The following NAPG variants were observed in gnomAD, a reference collection of about 807,000 sequenced individuals.
NAPG encodes the protein gamma-soluble NSF attachment protein.
Under a neutral mutation model 48.4 loss-of-function variants are expected in NAPG, and 25 were observed. The ratio of observed to expected loss-of-function variants is 0.52; its 90% confidence interval spans 0.38 to 0.72. The LOEUF is 0.72. Among genes scored for constraint, NAPG ranks in the 30% least tolerant of loss-of-function variants. NAPG has a pLI of 0.00. For synonymous variants in NAPG, 139 were observed against 127.2 expected, an observed-to-expected ratio of 1.09 and a Z score of -0.62; for missense variants, 359 against 372.5, an observed-to-expected ratio of 0.96 and a Z score of 0.30.
intron 1 of NAPG, 91 bp from the exon 2 acceptor site, chr18:10,530,679 T>G: frequency 1.3e-6 from 1 of 750,616 alleles, no homozygotes; most frequent in East Asian, 3.3e-5. Context: ...TTTTTTTTTT[T>G]TTTTTAAAGA....
At chr18:10,528,758 G>A (rs909987002) in intron 1 of NAPG, among the ~76,000 whole-genome samples, 9 of 152,070 alleles carry the variant, frequency 5.9e-5, no homozygotes, top group African/African-American at 2.2e-4. Flanking sequence ...TGGTGGGTAG[G>A]TCTGGGGCAG....
chr18:10,532,843 G>A (rs1222856600), intron 3 of NAPG, 48 bp downstream of exon 3: 2 of 1,448,754 alleles, frequency 1.4e-6, no homozygotes. Flanking sequence ...AGATGATTTT[G>A]ACAAGCTGTT....
In NAPG at chr18:10,549,057, T is replaced by C; in HGVS notation, c.756T>C (p.Asp252=). 6 of 1,613,960 alleles carry C rather than the reference T, an allele frequency of 3.7e-6. No individual in the cohort carries two copies. The highest frequency in any genetic ancestry group is 5.1e-6 in the Non-Finnish European group (6 of 1,179,824). ...YDQQDQDQVS[D]VCNSPLFKYM... ...AGCAAGACCAAGATCAGGTGTCAGA[T>C]GTCTGCAACTCACCGCTTTTCAAGT... Residue 252 remains aspartate, a synonymous_variant, in exon 11 of 12, where the codon GAT becomes GAC. Transcript: ENST00000322897.
intron 8 of NAPG, among the ~76,000 whole-genome samples, chr18:10,541,978 T>C (rs1210522000): frequency 6.6e-6 from 1 of 152,238 alleles, no homozygotes; most frequent in African/African-American, 2.4e-5. Context: ...CCTGTGCATA[T>C]TCCTTTAGAA....
intron 1 of NAPG, 43 bp downstream of exon 1, chr18:10,526,201 C>T (rs2031803858): frequency 6.6e-7 from 1 of 1,526,346 alleles, no homozygotes; most frequent in Non-Finnish European, 9.1e-7. Context: ...GACGCCGGGT[C>T]CGTCTCTCAC....
In NAPG at chr18:10,543,046, TG is replaced by T. The variant is rs1349831778; in HGVS notation, c.506+2648del. Among the ~76,000 whole-genome samples the T allele has an allele frequency of 6.7e-6, 1 of 149,956 alleles. No individual in the cohort carries two copies. The highest frequency in any genetic ancestry group is 2.0e-4 in the East Asian group (1 of 5,102). ...TAAAAATACAAAAAGTAGCCGGGTG[TG>T]ATGACGCACACCTATAATCCCAGCT... On this transcript the variant is annotated intron_variant, in intron 8 of 11. Transcript: ENST00000322897. The surrounding 1 kb of genome is among the most constrained non-coding windows in gnomAD (Gnocchi z 4.4).
At chr18:10,545,794 G>C (rs369873291) in intron 8 of NAPG, among the ~76,000 whole-genome samples, 3 of 152,250 alleles carry the variant, frequency 2.0e-5, no homozygotes, top group Admixed American at 2.0e-4. Context: ...GAATGTTGAA[G>C]ACTGAAGATG....
chr18:10,531,348 TTATA>T (rs1216668066), intron 2 of NAPG, among the ~76,000 whole-genome samples: 1 of 152,202 alleles, frequency 6.6e-6, no homozygotes, highest in Non-Finnish European at 1.5e-5. Context: ...CAATTTATCT[TTATA>T]TAAGATATAA....
At chr18:10,530,946 T>A in intron 2 of NAPG, 109 bp downstream of exon 2, 2 of 872,916 alleles carry the variant, frequency 2.3e-6, no homozygotes, top group Non-Finnish European at 3.2e-6. Context: ...CTTTAATAGT[T>A]AAAAAACAAA....
Position 10,548,498 on chromosome 18 carries a change from G to A in NAPG, c.665+120G>A. On this transcript the variant is annotated intron_variant, in intron 10 of 11. Coordinates refer to ENST00000322897, the MANE Select transcript of NAPG (RefSeq NM_003826.3). This position sits in a 1 kb window ranked among gnomAD's most constrained non-coding sequence, Gnocchi z 4.4. Reference sequence around the variant, plus strand: ...ACTGTCATTTCTAAATCTTAGGAGTGCTCATCTACCATTTCATCTTTTACA... The same window carrying A: ...ACTGTCATTTCTAAATCTTAGGAGTACTCATCTACCATTTCATCTTTTACA... 2.7e-6 allele frequency: 2 copies of A among 745,016 alleles called. No homozygotes were observed. The highest frequency in any genetic ancestry group is 4.2e-5 in the South Asian group (2 of 47,436). 46.2% of individuals were successfully genotyped at this position (745,016 alleles called of 1,614,324 possible).
At chr18:10,526,219 GCCTTAGCACCC>G in intron 1 of NAPG, 61 bp downstream of exon 1, 1 of 797,560 alleles carries the variant, frequency 1.3e-6, no homozygotes, top group Non-Finnish European at 2.1e-6. Flanking sequence ...CACTGGCGCG[GCCTTAGCACCC>G]GGGGGGGGCG....
At chr18:10,540,227 C>G in intron 7 of NAPG, 102 bp from the exon 8 acceptor site, 1 of 1,120,972 alleles carries the variant, frequency 8.9e-7, no homozygotes, top group Non-Finnish European at 1.3e-6. Flanking sequence ...TCGTGTTCCC[C>G]CCTTGATCCA....
chr18:10,527,976 A>C (rs545005469), intron 1 of NAPG, among the ~76,000 whole-genome samples: 1 of 152,084 alleles, frequency 6.6e-6, no homozygotes, highest in Non-Finnish European at 1.5e-5. Context: ...ACTTGAGGTC[A>C]GGAGTTCGAG....
chr18:10,536,282 C>G (rs554616049), intron 5 of NAPG, among the ~76,000 whole-genome samples: 2 of 152,294 alleles, frequency 1.3e-5, no homozygotes, highest in South Asian at 4.1e-4. Context: ...AATTAAATGC[C>G]TTTGGACACT....
At position 10,540,380 on chromosome 18, in the gene NAPG, C is replaced by G. The variant is rs1447118200; in HGVS notation, c.487C>G (p.Leu163Val). 1.2e-6 allele frequency: 2 copies of G among 1,613,328 alleles called. No individual in the cohort carries two copies. The highest frequency in any genetic ancestry group is 4.5e-5 in the East Asian group (2 of 44,878). ...TGAATTACTAGGAAAAGCCTCCAGA[C>G]TACTAGTACGAGGACGTAGGTATGT... is the stretch of plus-strand genomic sequence containing the variant. ...AVELLGKASR[L>V]LVRGRRFDEA... Residue 163 changes from leucine (L) to valine (V), a missense_variant, in exon 8 of 12, where the codon CTA becomes GTA. By Grantham distance (32) the Leu-to-Val change is conservative. Coordinates refer to ENST00000322897, the MANE Select transcript of NAPG (RefSeq NM_003826.3).
Position 10,550,296 on chromosome 18 carries a change from T to C in NAPG, c.*76T>C, listed in dbSNP as rs1014972621. On this transcript the variant is annotated 3_prime_UTR_variant, in exon 12 of 12. Transcript: ENST00000322897. ...CCATTTCAAGGACTTGGGAATAGAT[T>C]AGGGATATCCGTACTTCATTACAGT... The C allele has an allele frequency of 1.2e-5, 18 of 1,449,894 alleles. No individual in the cohort carries two copies. The South Asian group carries it at 2.4e-4, about 19-fold the overall frequency. The allele number at this position is 1,449,894 out of a possible 1,614,324, so 89.8% of individuals were successfully genotyped here.
intron 11 of NAPG, among the ~76,000 whole-genome samples, chr18:10,549,335 T>C (rs12955264): frequency 1.3e-5 from 2 of 152,244 alleles, no homozygotes; most frequent in African/African-American, 2.4e-5. Context: ...GTTGACCATA[T>C]ACATATTTTA....
Position 10,548,876 on chromosome 18 carries a change from A to G in NAPG, c.666-91A>G. On this transcript the variant is annotated intron_variant, in intron 10 of 11. Transcript: ENST00000322897. This position sits in a 1 kb window ranked among gnomAD's most constrained non-coding sequence, Gnocchi z 4.4. ...CTTTTAAGTACCAAAATGTCTCCAG[A>G]CAGTGTCACATGCCAGGGGCAGAAT... 6.8e-7 allele frequency: 1 copy of G among 1,478,756 alleles called. No homozygotes were observed. The highest frequency in any genetic ancestry group is 9.1e-7 in the Non-Finnish European group (1 of 1,095,936). The allele number at this position is 1,478,756 out of a possible 1,614,324, so 91.6% of individuals were successfully genotyped here.
intron 2 of NAPG, among the ~76,000 whole-genome samples, chr18:10,532,013 T>C (rs765077054): frequency 3.9e-5 from 6 of 152,204 alleles, no homozygotes; most frequent in Non-Finnish European, 8.8e-5. Context: ...TTTTAACAAA[T>C]AGCACTTTTC....
Sources: gnomAD v4.1 joint callset for allele counts (sites outside exome capture counted in the v4.1 genomes callset) on GRCh38, gnomAD v4.1.1 for gene constraint, Gnocchi (gnomAD v3.1) non-coding constraint, MANE v1.5 for transcripts, NCBI Gene and HGNC (gene_info 2026-07-23, HGNC 2026-07-21) for gene names.